The following SRSF7 variants were observed in gnomAD, a reference collection of about 807,000 sequenced individuals.
SRSF7 encodes serine/arginine-rich splicing factor 7.
Under a neutral mutation model 42.2 loss-of-function variants are expected in SRSF7, and 15 were observed. The ratio of observed to expected loss-of-function variants is 0.36; its 90% CI spans 0.24 to 0.55. The LOEUF (loss-of-function observed/expected upper bound fraction) is 0.55, where lower values mean the gene tolerates loss of function less well. Among genes scored for constraint, SRSF7 ranks in the 20% least tolerant of loss-of-function variants. The probability of loss-of-function intolerance (pLI) is 0.88; values close to 1 mark genes in which losing one functional copy is unlikely to be tolerated. For synonymous variants in SRSF7, 138 were observed against 107.9 expected (o/e 1.28, Z -1.73); for missense variants, 181 against 305.9 (o/e 0.59, Z 3.04).
intron 3 of SRSF7, chr2:38,748,963 T>C: frequency 3.1e-6 from 4 of 1,311,246 alleles, no homozygotes; most frequent in Non-Finnish European, 3.9e-6. Context: ...TCTAGAAGTA[T>C]CTATAGCCGA....
chr2:38,743,659 C>G lies in SRSF7; in HGVS notation c.*1474G>C. On this transcript the variant is annotated 3_prime_UTR_variant, in exon 8 of 8. Coordinates refer to ENST00000313117, the MANE Select transcript of SRSF7 (RefSeq NM_001031684.3). Reference sequence around the variant, plus strand: ...AAACTTATCTTTAAATAATACAGAACAATTAAAGCTAACCAAGTGCAACAG... The same window carrying G: ...AAACTTATCTTTAAATAATACAGAAGAATTAAAGCTAACCAAGTGCAACAG... The G allele has an allele frequency of 6.6e-6, 1 of 152,602 alleles. No homozygotes were observed. 9.5% of individuals were successfully genotyped at this position (152,602 alleles called of 1,614,324 possible).
Position 38,743,710 on chromosome 2 carries a change from A to G in SRSF7, c.*1423T>C. The G allele has an allele frequency of 3.9e-5, 6 of 152,694 alleles. No individual in the cohort carries two copies. The highest frequency in any genetic ancestry group is 7.3e-5 in the Non-Finnish European group (5 of 68,056). The allele number at this position is 152,694 out of a possible 1,614,324, so 9.5% of individuals were successfully genotyped here. Reference sequence around the variant, plus strand: ...ATAAATAAGCCTGCCAGTTATACACATAACTTTATACCAACCATAATTCAG... The same window carrying G: ...ATAAATAAGCCTGCCAGTTATACACGTAACTTTATACCAACCATAATTCAG... On this transcript the variant is annotated 3_prime_UTR_variant, in exon 8 of 8. Transcript: ENST00000313117.
At chr2:38,749,241 TCA>T in intron 3 of SRSF7, 1 of 1,385,288 alleles carries the variant, frequency 7.2e-7, no homozygotes, top group Non-Finnish European at 9.6e-7. Context: ...GCTGATCACC[TCA>T]AGGTCTAGGA....
chr2:38,748,800 ATT>A, intron 3 of SRSF7, 147 bp from the exon 4 acceptor site: 250 of 996,524 alleles, frequency 2.5e-4, no homozygotes, highest in Middle Eastern at 3.2e-4. Flanking sequence ...GTTGTTGAGT[ATT>A]TTTTTTTTTA....
intron 4 of SRSF7, among the ~76,000 whole-genome samples, 191 bp from the exon 5 acceptor site, chr2:38,748,348 G>A (rs1242773474): frequency 6.6e-6 from 1 of 152,112 alleles, no homozygotes; most frequent in Non-Finnish European, 1.5e-5. Flanking sequence ...AAAATTAGCT[G>A]GGTATGGTGG....
intron 1 of SRSF7, chr2:38,750,844 G>A (rs1293752957): frequency 3.7e-6 from 1 of 271,198 alleles, no homozygotes. Context: ...AGATCTGTCC[G>A]CTGAAGTGGC....
intron 1 of SRSF7, 154 bp downstream of exon 1, chr2:38,751,075 C>T: frequency 2.1e-6 from 2 of 967,596 alleles, no homozygotes; most frequent in Non-Finnish European, 3.2e-6. Flanking sequence ...CCCTTCAGCA[C>T]CCCGCCTCCG....
At chr2:38,746,841 G>GA in intron 5 of SRSF7, 94 bp from the exon 6 acceptor site, 1 of 1,567,224 alleles carries the variant, frequency 6.4e-7, no homozygotes, top group Non-Finnish European at 8.6e-7. Flanking sequence ...CAGGCATAAA[G>GA]AAGCTAAAAC....
intron 3 of SRSF7, 101 bp from the exon 4 acceptor site, chr2:38,748,754 T>G: frequency 7.5e-7 from 1 of 1,333,948 alleles, no homozygotes; most frequent in Non-Finnish European, 1.1e-6. Context: ...TATTTAAATT[T>G]AGTGTCTCAT....
chr2:38,749,484 C>A (rs779853828), intron 3 of SRSF7, 45 bp downstream of exon 3: 58 of 1,543,984 alleles, frequency 3.8e-5, no homozygotes, highest in Non-Finnish European at 4.7e-5. Context: ...AAAAGAATTA[C>A]TTGATTAACT....
At chr2:38,751,108 T>A (rs1668282799) in intron 1 of SRSF7, 121 bp downstream of exon 1, 6 of 1,334,244 alleles carry the variant, frequency 4.5e-6, no homozygotes, top group Non-Finnish European at 6.5e-6. Flanking sequence ...TCGTCTGGCG[T>A]GCTCCTAAGC....
intron 7 of SRSF7, among the ~76,000 whole-genome samples, chr2:38,745,743 G>A (rs1018941264): frequency 6.6e-6 from 1 of 152,026 alleles, no homozygotes; most frequent in Non-Finnish European, 1.5e-5. Flanking sequence ...AAGTCTTCTG[G>A]TCATTAAGAA....
intron 5 of SRSF7, among the ~76,000 whole-genome samples, chr2:38,747,776 A>G (rs1407659900): frequency 6.6e-6 from 1 of 152,218 alleles, no homozygotes; most frequent in East Asian, 1.9e-4. Context: ...AGAAAAGTTT[A>G]TAGCAACATG....
At chr2:38,751,031 A>C in intron 1 of SRSF7, 198 bp downstream of exon 1, 1 of 639,054 alleles carries the variant, frequency 1.6e-6, no homozygotes. Context: ...AAGAGTACGG[A>C]ACTCGGCAGA....
At position 38,750,140 on chromosome 2, in the gene SRSF7, T is replaced by TC; in HGVS notation, c.82dup (p.Glu28GlyfsTer31). The TC allele has an allele frequency of 6.2e-7, 1 of 1,612,910 alleles. No individual in the cohort carries two copies. Among genetic ancestry groups the TC allele is most frequent in the Non-Finnish European group, 8.5e-7 (1 of 1,179,542 alleles). On this transcript the variant is annotated frameshift_variant, in exon 2 of 8. Coordinates refer to ENST00000313117, the MANE Select transcript of SRSF7 (RefSeq NM_001031684.3). LOFTEE classifies it high-confidence loss of function. The stretch of plus-strand genomic sequence containing the variant: ...AGGACCATAATAACTGAAAGCCCTT[T>TC]CTAACTCTCCTTTGCCAGCGCCAGT...
At position 38,744,508 on chromosome 2, in the gene SRSF7, T is replaced by C; in HGVS notation, c.*625A>G. On this transcript the variant is annotated 3_prime_UTR_variant, in exon 8 of 8. Transcript: ENST00000313117. ...AAAGATCATCCAGAAATGTTTCTATTTCTCATACATTTAATCAGTTTCGTT... is the reference window on the plus strand; with the variant it reads ...AAAGATCATCCAGAAATGTTTCTATCTCTCATACATTTAATCAGTTTCGTT... 2 of 151,990 alleles carry C rather than the reference T, an allele frequency of 1.3e-5. No individual in the cohort carries two copies. The highest frequency in any genetic ancestry group is 4.8e-5 in the African/African-American group (2 of 41,292). The allele number at this position is 151,990 out of a possible 1,614,324, so 9.4% of individuals were successfully genotyped here. A position where few individuals can be genotyped will look rare whatever the true frequency, so the allele number is the denominator to read the frequency against.
chr2:38,751,116 A>G (rs1034498580), intron 1 of SRSF7, 113 bp downstream of exon 1: 1 of 1,431,314 alleles, frequency 7.0e-7, no homozygotes, highest in African/African-American at 1.4e-5. Flanking sequence ...CGTGCTCCTA[A>G]GCCGCCATTA....
Position 38,751,322 on chromosome 2 carries a change from G to GAC in SRSF7, c.-68_-67dup. On this transcript the variant is annotated 5_prime_UTR_variant, in exon 1 of 8. Coordinates refer to ENST00000313117, the MANE Select transcript of SRSF7 (RefSeq NM_001031684.3). ...CCAGGGCTCGAGTGACGCAAAAGCT[G>GAC]ACACACACCTTCACCCGCCAAGAGT... 5.0e-6 allele frequency: 8 copies of GAC among 1,608,762 alleles called. No individual in the cohort carries two copies. Among genetic ancestry groups the GAC allele is most frequent in the East Asian group, 2.2e-5 (1 of 44,822 alleles).
At chr2:38,750,931 G>A (rs1291062168) in intron 1 of SRSF7, 1 of 383,324 alleles carries the variant, frequency 2.6e-6, no homozygotes, top group South Asian at 2.9e-5. Context: ...GGCGGGGGGG[G>A]AGGGGGGCCG....
Sources: allele counts gnomAD v4.1 joint callset (sites outside exome capture counted in the v4.1 genomes callset), GRCh38; gene constraint gnomAD v4.1.1; transcripts MANE v1.5; gene names NCBI Gene and HGNC (gene_info 2026-07-23, HGNC 2026-07-21).